The following SEZ6L variants were observed in gnomAD, a reference collection of about 807,000 sequenced individuals.
SEZ6L encodes the protein seizure 6-like protein.
SEZ6L carries 37 observed loss-of-function variants against 106.2 expected under a neutral mutation model. The ratio of observed to expected loss-of-function variants is 0.35; its 90% CI spans 0.27 to 0.46. The LOEUF is 0.46. SEZ6L is among the 20% of genes least tolerant of loss of function. The pLI is 1.00. For synonymous variants in SEZ6L, 541 were observed against 570.4 expected (o/e 0.95, Z 0.73); for missense variants, 1,172 against 1,332.8 (o/e 0.88, Z 1.88).
Position 26,266,574 on chromosome 22 carries a change from A to AAAAT in SEZ6L, c.95-25790_95-25787dup, listed in dbSNP as rs55949237. On this transcript the variant is annotated intron_variant, in intron 1 of 16. Coordinates refer to ENST00000248933, the MANE Select transcript of SEZ6L (RefSeq NM_021115.5). Reference sequence around the variant, plus strand: ...GGCAAAAGAGCGAGACTCCGTCTCAAAAATAAATAAATAAATAAATAAATA... The same window carrying AAAAT: ...GGCAAAAGAGCGAGACTCCGTCTCAAAAATAAATAAATAAATAAATAAATAAATA... Among the ~76,000 whole-genome samples, 817 of 144,676 alleles carry AAAAT rather than the reference A, an allele frequency of 5.6e-3. 5 individuals are homozygous for AAAAT. The highest frequency in any genetic ancestry group is 9.8e-3 in the East Asian group (47 of 4,798). The allele number at this position is 144,676 out of a possible 152,430, so 94.9% of individuals were successfully genotyped here.
intron 10 of SEZ6L, 115 bp downstream of exon 10, chr22:26,340,747 T>C: frequency 2.3e-6 from 2 of 857,118 alleles, no homozygotes; most frequent in Admixed American, 6.0e-5. Context: ...TTGTATTGTA[T>C]TGAAATGTAC....
chr22:26,306,682 T>C (rs1034572034), intron 6 of SEZ6L, among the ~76,000 whole-genome samples: 3 of 152,230 alleles, frequency 2.0e-5, no homozygotes, highest in East Asian at 1.9e-4. Flanking sequence ...GAATCCAGAA[T>C]TATAAAACTT....
chr22:26,347,602 T>TG (rs1207564381), intron 10 of SEZ6L, 117 bp from the exon 11 acceptor site: 2 of 776,194 alleles, frequency 2.6e-6, no homozygotes, highest in Admixed American at 7.7e-5. Context: ...TTTGGAAGCG[T>TG]GTTGCTCATT....
rs1938419516 is a variant in SEZ6L at position 26,169,533 on chromosome 22, C to G, written c.-137C>G. On this transcript the variant is annotated 5_prime_UTR_variant, in exon 1 of 17. Coordinates refer to ENST00000248933, the MANE Select transcript of SEZ6L (RefSeq NM_021115.5). ...GCTGAGCGCGCGTCCGCCCAGGGGG[C>G]TCCGGAAGCTGCCCCGGCCCGCGGC... 1 of 387,596 alleles carries G rather than the reference C, an allele frequency of 2.6e-6. No homozygotes were observed. The highest frequency in any genetic ancestry group is 2.1e-5 in the African/African-American group (1 of 47,392). 24.0% of individuals were successfully genotyped at this position (387,596 alleles called of 1,614,324 possible). A position where few individuals can be genotyped will look rare whatever the true frequency, so the allele number is the denominator to read the frequency against.
At chr22:26,261,489 G>C (rs777121158) in intron 1 of SEZ6L, among the ~76,000 whole-genome samples, 5 of 152,200 alleles carry the variant, frequency 3.3e-5, no homozygotes, top group Non-Finnish European at 5.9e-5. Context: ...TGTGTAGGGT[G>C]TCCTTTCCCC....
At chr22:26,352,724 G>A (rs987413504) in intron 12 of SEZ6L, among the ~76,000 whole-genome samples, 12 of 152,228 alleles carry the variant, frequency 7.9e-5, no homozygotes, top group East Asian at 1.9e-4. Context: ...TAGGCCAGGT[G>A]TCATTCTAAG....
chr22:26,301,468 A>C (rs2145903103), intron 5 of SEZ6L, among the ~76,000 whole-genome samples: 1 of 152,348 alleles, frequency 6.6e-6, no homozygotes, highest in Non-Finnish European at 1.5e-5. Flanking sequence ...GTAAATGAGT[A>C]AACAAGGATG....
In SEZ6L at chr22:26,340,504, G is replaced by A. The variant is rs1459410220; in HGVS notation, c.2084G>A (p.Gly695Glu). Residue 695 changes from glycine (G) to glutamate (E), a missense_variant, in exon 10 of 17, where the codon GGG becomes GAG. Coordinates refer to ENST00000248933, the MANE Select transcript of SEZ6L (RefSeq NM_021115.5). ...DGDEVMPHILGQYLGNSGPQK... is the reference protein window; with the variant it reads ...DGDEVMPHILEQYLGNSGPQK... ...GACGAGGTCATGCCCCACATCTTGGGGCAGTACCTTGGGAACAGTGGCCCC... is the reference window on the plus strand; with the variant it reads ...GACGAGGTCATGCCCCACATCTTGGAGCAGTACCTTGGGAACAGTGGCCCC... 1 of 1,614,130 alleles carries A rather than the reference G, an allele frequency of 6.2e-7. No homozygotes were observed. The highest frequency in any genetic ancestry group is 8.5e-7 in the Non-Finnish European group (1 of 1,180,026).
At position 26,338,628 on chromosome 22, in the gene SEZ6L, C is replaced by T. The variant is rs577547836; in HGVS notation, c.2016-1808C>T. Among the ~76,000 whole-genome samples the T allele has an allele frequency of 2.6e-3, 390 of 152,046 alleles. 10 individuals are homozygous for T. Among genetic ancestry groups the T allele is most frequent in the Admixed American group, 0.021 (321 of 15,288 alleles). On this transcript the variant is annotated intron_variant, in intron 9 of 16. Transcript: ENST00000248933. The stretch of plus-strand genomic sequence containing the variant: ...AGGCTGGAGTGCAGTGGCACAATCT[C>T]AGCTCACTTCAACCTCCACCTCCCA...
intron 5 of SEZ6L, among the ~76,000 whole-genome samples, chr22:26,303,606 G>A (rs760781899): frequency 3.9e-5 from 6 of 152,182 alleles, no homozygotes; most frequent in South Asian, 2.1e-4. Flanking sequence ...AGGAAGTGGC[G>A]TAATACCTTT....
chr22:26,309,601 C>G (rs1351787067), intron 6 of SEZ6L, among the ~76,000 whole-genome samples: 1 of 151,836 alleles, frequency 6.6e-6, no homozygotes, highest in Non-Finnish European at 1.5e-5. Context: ...TTTTTTAAGA[C>G]CGAGTCTTGC....
chr22:26,245,458 A>G (rs931895526), intron 1 of SEZ6L, among the ~76,000 whole-genome samples: 7 of 152,066 alleles, frequency 4.6e-5, no homozygotes, highest in African/African-American at 1.7e-4. Context: ...GGACTCTCCC[A>G]AGCCCACCCT....
chr22:26,300,881 G>A (rs758775053), intron 5 of SEZ6L, among the ~76,000 whole-genome samples: 2 of 152,258 alleles, frequency 1.3e-5, no homozygotes, highest in Non-Finnish European at 2.9e-5. Flanking sequence ...TATCAGATAA[G>A]TGGTTTGCAA....
Position 26,375,573 on chromosome 22 carries a change from A to G in SEZ6L, c.2828-2A>G. 6.2e-7 allele frequency: 1 copy of G among 1,613,434 alleles called. No homozygotes were observed. On this transcript the variant is annotated splice_acceptor_variant, in intron 14 of 16. Transcript: ENST00000248933. LOFTEE classifies it high-confidence loss of function. ...GAGGACCTCACTGGCTCCTGTGTTC[A>G]GTAGCAGAAGCGGCAGCAGAGACGT...
Position 26,275,988 on chromosome 22 carries a change from G to C in SEZ6L, c.95-16418G>C, listed in dbSNP as rs571799821. ...TACAGCCCCTTCCCTCACCTCACTG[G>C]GGCATAAGTGTGTGGTCAACCAGCC... is the stretch of plus-strand genomic sequence containing the variant. On this transcript the variant is annotated intron_variant, in intron 1 of 16. Coordinates refer to ENST00000248933, the MANE Select transcript of SEZ6L (RefSeq NM_021115.5). 2.0e-5 allele frequency among the ~76,000 whole-genome samples: 3 copies of C among 152,234 alleles called. No individual in the cohort carries two copies. In the South Asian group the frequency reaches 6.2e-4, roughly 32 times the overall value.
intron 9 of SEZ6L, among the ~76,000 whole-genome samples, chr22:26,334,753 A>G (rs2082593575): frequency 6.6e-6 from 1 of 152,142 alleles, no homozygotes; most frequent in African/African-American, 2.4e-5. Flanking sequence ...CCAGGAGCTC[A>G]CACTTTGTGC....
In SEZ6L at chr22:26,361,998, A is replaced by G. The variant is rs146789297; in HGVS notation, c.2600-3374A>G. ...TCTGTTCATTATACCATCTATGCTTATTGTAAAGTAATGCAGACCCACCCT... is the reference window on the plus strand; with the variant it reads ...TCTGTTCATTATACCATCTATGCTTGTTGTAAAGTAATGCAGACCCACCCT... On this transcript the variant is annotated intron_variant, in intron 12 of 16. Coordinates refer to ENST00000248933, the MANE Select transcript of SEZ6L (RefSeq NM_021115.5). 2.6e-4 allele frequency among the ~76,000 whole-genome samples: 39 copies of G among 150,162 alleles called. No individual in the cohort carries two copies. In the East Asian group the frequency reaches 6.6e-3, roughly 25 times the overall value.
chr22:26,240,055 TACACACATACAGACACAC>T (rs1384540298), intron 1 of SEZ6L, among the ~76,000 whole-genome samples: 3,046 of 129,732 alleles, frequency 0.023, 109 homozygotes, highest in African/African-American at 0.084. Context: ...AACACACACA[TACACACATACAGACACAC>T]ACACACACAC....
chr22:26,208,265 T>C (rs1941391923), intron 1 of SEZ6L, among the ~76,000 whole-genome samples: 2 of 152,216 alleles, frequency 1.3e-5, no homozygotes, highest in African/African-American at 4.8e-5. Context: ...GTTGGTTATT[T>C]ACATTGACTC....
Sources: gnomAD v4.1 joint callset for allele counts (sites outside exome capture counted in the v4.1 genomes callset) on GRCh38, gnomAD v4.1.1 for gene constraint, MANE v1.5 for transcripts, NCBI Gene and HGNC (gene_info 2026-07-23, HGNC 2026-07-21) for gene names.